Variants in ULK4 observed in about 807,000 individuals in gnomAD.
ULK4 encodes inactive serine/threonine-protein kinase ULK4.
In ULK4, 133 loss-of-function variants were observed where a neutral mutation model predicts 160.6. The ratio of observed to expected loss-of-function variants is 0.83; its 90% CI spans 0.72 to 0.96. The LOEUF is 0.96. Ranked by LOEUF, ULK4 falls within the 40% of genes least tolerant of loss-of-function variation. The pLI, the probability that ULK4 is intolerant of heterozygous loss-of-function variation, is 0.00. For synonymous variants in ULK4, 534 were observed against 539.8 expected (o/e 0.99, Z 0.15); for missense variants, 1,580 against 1,499.5 (o/e 1.05, Z -0.89).
intron 29 of ULK4, among the ~76,000 whole-genome samples, chr3:41,670,280 G>T (rs1285642244): frequency 6.6e-6 from 1 of 152,106 alleles, no homozygotes; most frequent in African/African-American, 2.4e-5. Flanking sequence ...AGGGGTAGAT[G>T]GCTGATTCTT....
At chr3:41,908,902 G>A (rs1274947607) in intron 11 of ULK4, among the ~76,000 whole-genome samples, 1 of 151,946 alleles carries the variant, frequency 6.6e-6, no homozygotes, top group Non-Finnish European at 1.5e-5. Flanking sequence ...AGACCAGTCT[G>A]GCCAATATGG....
At chr3:41,341,359 C>T (rs1195889569) in intron 35 of ULK4, among the ~76,000 whole-genome samples, 2 of 152,114 alleles carry the variant, frequency 1.3e-5, no homozygotes, top group African/African-American at 2.4e-5. Flanking sequence ...TGACTTTTTA[C>T]TTCAGGGTGG....
chr3:41,597,469 C>T (rs1422488131), intron 31 of ULK4, among the ~76,000 whole-genome samples: 1 of 152,194 alleles, frequency 6.6e-6, no homozygotes, highest in Non-Finnish European at 1.5e-5. Context: ...CTCTCTCCAC[C>T]TCCGCATAGC....
intron 32 of ULK4, among the ~76,000 whole-genome samples, chr3:41,496,087 A>AT (rs1474768922): frequency 9.2e-5 from 14 of 152,114 alleles, no homozygotes; most frequent in Non-Finnish European, 2.1e-4. Context: ...ATTTGTAAAC[A>AT]TATTAAATAA....
At chr3:41,934,012 T>C in intron 4 of ULK4, among the ~76,000 whole-genome samples, 1 of 152,158 alleles carries the variant, frequency 6.6e-6, no homozygotes, top group East Asian at 1.9e-4. Context: ...CACTCCAGCC[T>C]GGGCAACAGA....
chr3:41,868,212 CATT>C (rs1696967216), intron 17 of ULK4, among the ~76,000 whole-genome samples: 2 of 152,146 alleles, frequency 1.3e-5, no homozygotes, highest in Admixed American at 1.3e-4. Context: ...ATGAATTTGT[CATT>C]ATCAAATTCT....
At chr3:41,874,890 G>A (rs1697243768) in intron 17 of ULK4, among the ~76,000 whole-genome samples, 1 of 152,168 alleles carries the variant, frequency 6.6e-6, no homozygotes, top group Non-Finnish European at 1.5e-5. Context: ...TAATTAATTA[G>A]CAGTCAGGTG....
intron 35 of ULK4, among the ~76,000 whole-genome samples, chr3:41,304,364 T>C (rs1014886740): frequency 1.3e-5 from 2 of 150,878 alleles, no homozygotes; most frequent in Non-Finnish European, 2.9e-5. Flanking sequence ...ATCTGCCTAG[T>C]GTATAAGCCA....
chr3:41,802,851 G>A (rs1456105368), intron 19 of ULK4, among the ~76,000 whole-genome samples: 1 of 152,054 alleles, frequency 6.6e-6, no homozygotes, highest in Non-Finnish European at 1.5e-5. Context: ...TGATAAATTC[G>A]AGTTACACAC....
intron 32 of ULK4, among the ~76,000 whole-genome samples, chr3:41,506,054 T>C (rs372405449): frequency 6.7e-4 from 102 of 152,352 alleles, no homozygotes; most frequent in African/African-American, 2.4e-3. Context: ...AGTGTTCTTT[T>C]AATTGTGTAT....
intron 19 of ULK4, among the ~76,000 whole-genome samples, chr3:41,805,662 A>G (rs1246367166): frequency 1.9e-3 from 261 of 140,364 alleles, no homozygotes; most frequent in Middle Eastern, 0.017. Flanking sequence ...CGTCCCATCA[A>G]TACCTAATTT....
intron 32 of ULK4, among the ~76,000 whole-genome samples, chr3:41,466,434 G>A (rs980063903): frequency 1.3e-5 from 2 of 152,126 alleles, no homozygotes; most frequent in Non-Finnish European, 2.9e-5. Context: ...TTCAACAAAA[G>A]GGTAAGGAAA....
intron 34 of ULK4, among the ~76,000 whole-genome samples, chr3:41,429,758 G>A (rs551367850): frequency 6.6e-5 from 10 of 151,978 alleles, no homozygotes; most frequent in African/African-American, 2.4e-4. Flanking sequence ...CAGCATGGGG[G>A]GAGGGAGAGC....
chr3:41,735,246 A>G (rs946398340), intron 22 of ULK4, among the ~76,000 whole-genome samples: 14 of 152,100 alleles, frequency 9.2e-5, no homozygotes, highest in Non-Finnish European at 2.1e-4. Flanking sequence ...GAAACATGAG[A>G]GAGAAGAACT....
chr3:41,658,181 GA>G (rs2035012886), intron 30 of ULK4, among the ~76,000 whole-genome samples: 1 of 152,218 alleles, frequency 6.6e-6, no homozygotes, highest in African/African-American at 2.4e-5. Flanking sequence ...ATGGTGGACA[GA>G]AAACTGGCAC....
chr3:41,399,158 A>C (rs1341718636), intron 34 of ULK4, among the ~76,000 whole-genome samples: 2 of 152,132 alleles, frequency 1.3e-5, no homozygotes, highest in African/African-American at 4.8e-5. Context: ...ATTTTCACTA[A>C]CACTTGTTAT....
chr3:41,378,493 G>A (rs2081565619), intron 35 of ULK4, among the ~76,000 whole-genome samples: 1 of 151,864 alleles, frequency 6.6e-6, no homozygotes, highest in South Asian at 2.1e-4. Flanking sequence ...GGACACGGAT[G>A]AAGCTGGAAA....
At chr3:41,771,698 G>A (rs1322098824) in intron 21 of ULK4, among the ~76,000 whole-genome samples, 1 of 150,848 alleles carries the variant, frequency 6.6e-6, no homozygotes, top group Admixed American at 6.6e-5. Context: ...ACCCCTCAAA[G>A]AAAAAACGAC....
At chr3:41,809,896 A>G (rs576475392) in intron 19 of ULK4, among the ~76,000 whole-genome samples, 90 of 152,354 alleles carry the variant, frequency 5.9e-4, no homozygotes, top group African/African-American at 2.0e-3. Context: ...ACATTAAATG[A>G]TATTAGTATA....
Sources: allele counts gnomAD v4.1 joint callset (sites outside exome capture counted in the v4.1 genomes callset), GRCh38; gene constraint gnomAD v4.1.1; transcripts MANE v1.5; gene names NCBI Gene and HGNC (gene_info 2026-07-23, HGNC 2026-07-21).